Variants in SCAI observed in about 807,000 individuals in gnomAD.
SCAI encodes the protein protein SCAI.
SCAI carries 24 observed loss-of-function variants against 92.2 expected under a neutral mutation model. That is an observed-to-expected ratio of 0.26 (90% CI 0.19 to 0.37). SCAI has a LOEUF of 0.37. Ranked by LOEUF, SCAI falls within the 10% of genes least tolerant of loss-of-function variation. SCAI has a pLI of 1.00. For missense variants in SCAI, 450 were observed against 736.2 expected, an observed-to-expected ratio of 0.61 and a Z score of 4.50; for synonymous variants, 261 against 258.6, an observed-to-expected ratio of 1.01 and a Z score of -0.09.
In SCAI at chr9:124,951,888, A is replaced by G. The variant is rs1831240427; in HGVS notation, c.*919T>C. 1 of 152,242 alleles carries G rather than the reference A, an allele frequency of 6.6e-6. No homozygotes were observed. Among genetic ancestry groups the G allele is most frequent in the Non-Finnish European group, 1.5e-5 (1 of 68,030 alleles). The allele number at this position is 152,242 out of a possible 1,614,324, so 9.4% of individuals were successfully genotyped here. A position where few individuals can be genotyped will look rare whatever the true frequency, so the allele number is the denominator to read the frequency against. On this transcript the variant is annotated 3_prime_UTR_variant, in exon 18 of 18. Coordinates refer to ENST00000336505, the MANE Select transcript of SCAI (RefSeq NM_001144877.3). ...AAAATCAACTTACATTTTAGGTTTC[A>G]TAACACCCAGTTACCCCTTACCAAA...
chr9:125,143,257 C>A, intron 1 of SCAI, 128 bp downstream of exon 1: 1 of 543,422 alleles, frequency 1.8e-6, no homozygotes, highest in Non-Finnish European at 2.7e-6. Context: ...CAAGGTCCCC[C>A]CAGCCTGCAC....
At chr9:125,115,928 C>T (rs1376858036) in intron 2 of SCAI, among the ~76,000 whole-genome samples, 2 of 152,152 alleles carry the variant, frequency 1.3e-5, no homozygotes, top group Non-Finnish European at 2.9e-5. Flanking sequence ...GGCACAGTGC[C>T]TCACGCCTGT....
intron 2 of SCAI, among the ~76,000 whole-genome samples, chr9:125,090,019 A>G (rs936637136): frequency 6.6e-6 from 1 of 152,192 alleles, no homozygotes; most frequent in Non-Finnish European, 1.5e-5. Context: ...AATTACCCAC[A>G]CCTAGAAAAA....
rs1023731584 is a variant in SCAI at position 125,091,030 on chromosome 9, A to C, written c.99-35023T>G. On this transcript the variant is annotated intron_variant, in intron 2 of 17. Transcript: ENST00000336505. This position sits in a 1 kb window ranked among gnomAD's most constrained non-coding sequence, Gnocchi z 4.3. Reference sequence around the variant, plus strand: ...CTACTCCGGAGGCTGAGGCAGGAGAATAGGTGAACCCGGGAGGCGGAGCTT... The same window carrying C: ...CTACTCCGGAGGCTGAGGCAGGAGACTAGGTGAACCCGGGAGGCGGAGCTT... 6.6e-6 allele frequency among the ~76,000 whole-genome samples: 1 copy of C among 152,178 alleles called. No individual in the cohort carries two copies. The highest frequency in any genetic ancestry group is 1.5e-5 in the Non-Finnish European group (1 of 68,016).
rs1425734430 is a variant in SCAI, at chr9:125,091,158, G to C, written c.99-35151C>G. Among the ~76,000 whole-genome samples the C allele has an allele frequency of 2.0e-5, 3 of 152,132 alleles. No individual in the cohort carries two copies. Among genetic ancestry groups the C allele is most frequent in the Non-Finnish European group, 2.9e-5 (2 of 68,024 alleles). On this transcript the variant is annotated intron_variant, in intron 2 of 17. Transcript: ENST00000336505. This position sits in a 1 kb window ranked among gnomAD's most constrained non-coding sequence, Gnocchi z 4.3. ...AGGTTCATAACTCACTCCAACAGAT[G>C]CAATACCAGGGTTCAAAAATGGTGG...
chr9:125,064,153 A>G (rs1452793207), intron 2 of SCAI, among the ~76,000 whole-genome samples: 1 of 152,220 alleles, frequency 6.6e-6, no homozygotes, highest in African/African-American at 2.4e-5. Context: ...ACAAATCCAC[A>G]ATCATAAGGG....
chr9:125,049,541 A>G (rs573899680), intron 3 of SCAI, among the ~76,000 whole-genome samples: 1 of 152,330 alleles, frequency 6.6e-6, no homozygotes, highest in South Asian at 2.1e-4. Context: ...GCGAAACATC[A>G]TTCATTTCAT....
At chr9:124,990,170 G>A (rs773996546) in intron 14 of SCAI, among the ~76,000 whole-genome samples, 3 of 151,580 alleles carry the variant, frequency 2.0e-5, no homozygotes, top group Non-Finnish European at 4.4e-5. Flanking sequence ...GTGAAACTCT[G>A]TCTCAAAAAA....
chr9:124,968,689 T>G, intron 17 of SCAI: 1 of 1,372,724 alleles, frequency 7.3e-7, no homozygotes, highest in South Asian at 1.2e-5. Context: ...GTTCCCGATT[T>G]CCTCAAATTC....
At chr9:125,118,659 G>A (rs533610136) in intron 2 of SCAI, among the ~76,000 whole-genome samples, 3 of 152,184 alleles carry the variant, frequency 2.0e-5, no homozygotes, top group South Asian at 2.1e-4. Context: ...TTTAAGCCCC[G>A]TATACATTAG....
chr9:125,019,364 A>G (rs1832824490), intron 7 of SCAI, among the ~76,000 whole-genome samples, 159 bp from the exon 8 acceptor site: 2 of 152,322 alleles, frequency 1.3e-5, no homozygotes, highest in South Asian at 4.1e-4. Context: ...GAAAACTAAT[A>G]AATTTTCTTC....
intron 2 of SCAI, among the ~76,000 whole-genome samples, chr9:125,105,647 T>C (rs1000753132): frequency 3.3e-5 from 5 of 152,174 alleles, no homozygotes; most frequent in Non-Finnish European, 7.3e-5. Flanking sequence ...CACAGATAAA[T>C]ACTTTGGCAC....
At chr9:124,979,527 A>G (rs1265154374) in intron 14 of SCAI, among the ~76,000 whole-genome samples, 6 of 152,058 alleles carry the variant, frequency 3.9e-5, no homozygotes, top group Admixed American at 2.0e-4. Flanking sequence ...GCAACAGATG[A>G]AGACTCCATC....
chr9:125,137,750 G>A (rs1464952782), intron 2 of SCAI, among the ~76,000 whole-genome samples: 4 of 152,088 alleles, frequency 2.6e-5, no homozygotes, highest in Non-Finnish European at 4.4e-5. Flanking sequence ...ACAGGCACGC[G>A]CCACCATGCC....
chr9:125,107,316 G>A (rs1478164363), intron 2 of SCAI, among the ~76,000 whole-genome samples: 5 of 151,774 alleles, frequency 3.3e-5, no homozygotes, highest in Admixed American at 2.0e-4. Context: ...GGCTGAGGCA[G>A]GAGAATCGCT....
At chr9:124,991,002 T>C (rs1832107992) in intron 14 of SCAI, among the ~76,000 whole-genome samples, 1 of 152,208 alleles carries the variant, frequency 6.6e-6, no homozygotes, top group South Asian at 2.1e-4. Context: ...AAGTTTCTGA[T>C]GCACAGAAAT....
chr9:125,056,605 A>G (rs1376724143), intron 2 of SCAI, among the ~76,000 whole-genome samples: 1 of 152,256 alleles, frequency 6.6e-6, no homozygotes, highest in Non-Finnish European at 1.5e-5. Context: ...TGTTCTAGGC[A>G]TTCCTCTACA....
At chr9:125,088,377 C>T (rs1323623152) in intron 2 of SCAI, among the ~76,000 whole-genome samples, 1 of 152,118 alleles carries the variant, frequency 6.6e-6, no homozygotes, top group Non-Finnish European at 1.5e-5. Context: ...TTGCTATTCT[C>T]CTGATAGTAA....
intron 2 of SCAI, among the ~76,000 whole-genome samples, chr9:125,070,731 A>G (rs1176244922): frequency 6.6e-6 from 1 of 152,114 alleles, no homozygotes; most frequent in African/African-American, 2.4e-5. Context: ...CCAACATGTT[A>G]CTGAAGTTAA....
Sources: allele counts gnomAD v4.1 joint callset (sites outside exome capture counted in the v4.1 genomes callset), GRCh38; gene constraint gnomAD v4.1.1; non-coding constraint Gnocchi (gnomAD v3.1); transcripts MANE v1.5; gene names NCBI Gene and HGNC (gene_info 2026-07-23, HGNC 2026-07-21).